The following WAC variants were observed in gnomAD, a reference collection of about 807,000 sequenced individuals.
The protein encoded by WAC is WW domain-containing adapter protein with coiled-coil.
In WAC, 11 loss-of-function variants were observed where a neutral mutation model predicts 79.6. The observed-to-expected ratio is 0.14, with a 90% CI of 0.09 to 0.23. The LOEUF is 0.23. Among genes scored for constraint, WAC ranks in the 10% least tolerant of loss-of-function variants. The pLI, the probability that WAC is intolerant of heterozygous loss-of-function variation, is 1.00. For missense variants in WAC, 728 were observed against 773.5 expected, an observed-to-expected ratio of 0.94 and a Z score of 0.70; for synonymous variants, 304 against 276.9, an observed-to-expected ratio of 1.10 and a Z score of -0.97.
At chr10:28,555,485 C>T (rs1162792072) in intron 3 of WAC, among the ~76,000 whole-genome samples, 1 of 151,798 alleles carries the variant, frequency 6.6e-6, no homozygotes, top group African/African-American at 2.4e-5. Flanking sequence ...CCACTGCAAC[C>T]AGGTCTTGGG....
At chr10:28,566,454 C>T (rs1246990527) in intron 3 of WAC, among the ~76,000 whole-genome samples, 4 of 152,138 alleles carry the variant, frequency 2.6e-5, no homozygotes, top group Non-Finnish European at 5.9e-5. Context: ...AGACAGTAAG[C>T]AGGTGAGTTT....
intron 3 of WAC, among the ~76,000 whole-genome samples, chr10:28,548,749 G>A (rs1589137508): frequency 6.6e-6 from 1 of 152,218 alleles, no homozygotes; most frequent in East Asian, 1.9e-4. Flanking sequence ...TACGAGACTA[G>A]GTCAACTCTA....
intron 3 of WAC, among the ~76,000 whole-genome samples, chr10:28,549,108 AGGCTGGTCTTGAACTCCT>A (rs1837525824): frequency 1.3e-5 from 2 of 152,208 alleles, no homozygotes; most frequent in South Asian, 4.1e-4. Context: ...CATGTTACCC[AGGCTGGTCTTGAACTCCT>A]GGCTTTAAGT....
chr10:28,575,998 G>T (rs990708653), intron 3 of WAC, among the ~76,000 whole-genome samples: 4 of 152,120 alleles, frequency 2.6e-5, no homozygotes, highest in African/African-American at 9.7e-5. Context: ...ACAGTTACAG[G>T]CTGTATAGAT....
intron 7 of WAC, among the ~76,000 whole-genome samples, chr10:28,603,145 G>C (rs1840718428): frequency 6.6e-6 from 1 of 152,206 alleles, no homozygotes; most frequent in Admixed American, 6.5e-5. Flanking sequence ...TAAAGTAGGA[G>C]TATCCAATCT....
chr10:28,554,598 A>G (rs1182668835), intron 3 of WAC, among the ~76,000 whole-genome samples: 2 of 151,988 alleles, frequency 1.3e-5, no homozygotes, highest in Admixed American at 6.6e-5. Flanking sequence ...TTCTTGCTCT[A>G]AGAGTCATAC....
chr10:28,571,553 A>G (rs374824780), intron 3 of WAC, among the ~76,000 whole-genome samples: 30 of 152,308 alleles, frequency 2.0e-4, no homozygotes, highest in African/African-American at 7.0e-4. Flanking sequence ...TGTCTACTGT[A>G]CCAAGTTGAA....
At chr10:28,538,257 C>A in intron 3 of WAC, 1 of 250,888 alleles carries the variant, frequency 4.0e-6, no homozygotes, top group Non-Finnish European at 9.0e-6. Context: ...ATTTTTATTG[C>A]AGGCATTATA....
chr10:28,551,009 A>G (rs983651083), intron 3 of WAC, among the ~76,000 whole-genome samples: 3 of 152,122 alleles, frequency 2.0e-5, no homozygotes, highest in Non-Finnish European at 2.9e-5. Context: ...CCTTTTCCAA[A>G]TCATTGTTTC....
At position 28,608,268 on chromosome 10, in the gene WAC, T is replaced by C; in HGVS notation, c.1002T>C (p.Ser334=). Residue 334 remains serine, a synonymous_variant, in exon 8 of 14, where the codon TCT becomes TCC. Coordinates refer to ENST00000354911, the MANE Select transcript of WAC (RefSeq NM_016628.5). ...TSSASGLNPT[S]APPTSASAVP... ...CTGCCTCTGGACTGAACCCCACATC[T>C]GCACCTCCAACATCTGCTTCAGCGG... 6.2e-7 allele frequency: 1 copy of C among 1,614,212 alleles called. No homozygotes were observed. The highest frequency in any genetic ancestry group is 1.1e-5 in the South Asian group (1 of 91,082).
intron 7 of WAC, among the ~76,000 whole-genome samples, chr10:28,600,318 C>T (rs1241183448): frequency 6.6e-6 from 1 of 152,092 alleles, no homozygotes; most frequent in Non-Finnish European, 1.5e-5. Context: ...AAATTTCCTT[C>T]TGTTTTTATG....
At chr10:28,599,205 G>T (rs1397936414) in intron 7 of WAC, among the ~76,000 whole-genome samples, 4 of 152,050 alleles carry the variant, frequency 2.6e-5, no homozygotes. Flanking sequence ...ACTTGTTTAG[G>T]TTTTTCTTAA....
chr10:28,547,436 G>A lies in WAC; in HGVS notation c.274+11679G>A, dbSNP rs533729632. ...TGTAATCCCAGCTACCTGGGAGGCTGAGGCAGGAGAATCACTTGAGCCCTG... is the reference window on the plus strand; with the variant it reads ...TGTAATCCCAGCTACCTGGGAGGCTAAGGCAGGAGAATCACTTGAGCCCTG... On this transcript the variant is annotated intron_variant, in intron 3 of 13. Transcript: ENST00000354911. Among the ~76,000 whole-genome samples, 4 of 152,176 alleles carry A rather than the reference G, an allele frequency of 2.6e-5. No individual in the cohort carries two copies. In the South Asian group the frequency reaches 6.2e-4, roughly 24 times the overall value.
At chr10:28,539,347 A>G (rs1026826677) in intron 3 of WAC, among the ~76,000 whole-genome samples, 1 of 152,206 alleles carries the variant, frequency 6.6e-6, no homozygotes, top group Non-Finnish European at 1.5e-5. Flanking sequence ...TTGCTGTAAC[A>G]TAGCGTGTAT....
At chr10:28,590,902 C>T in intron 6 of WAC, 70 bp downstream of exon 6, 1 of 1,140,550 alleles carries the variant, frequency 8.8e-7, no homozygotes, top group South Asian at 1.4e-5. Context: ...AATCTGTATC[C>T]ATTGCCATCT....
At chr10:28,535,469 A>C in intron 2 of WAC, 93 bp from the exon 3 acceptor site, 1 of 1,392,406 alleles carries the variant, frequency 7.2e-7, no homozygotes, top group Non-Finnish European at 9.6e-7. Flanking sequence ...AGTTCATAAA[A>C]TTTAATGATA....
chr10:28,559,125 C>T (rs558853955), intron 3 of WAC, among the ~76,000 whole-genome samples: 2 of 92,766 alleles, frequency 2.2e-5, no homozygotes, highest in Non-Finnish European at 4.1e-5. Context: ...TCTCTGCTCT[C>T]GAGAAACCTG....
chr10:28,570,215 T>G (rs1314306061), intron 3 of WAC, among the ~76,000 whole-genome samples: 1 of 152,214 alleles, frequency 6.6e-6, no homozygotes, highest in East Asian at 1.9e-4. Context: ...ATTTATTTTA[T>G]TTTGTACAGA....
intron 11 of WAC, chr10:28,615,428 A>G (rs1277252942): frequency 1.3e-5 from 2 of 152,142 alleles, no homozygotes; most frequent in African/African-American, 4.8e-5. Context: ...TGCTCTGAAC[A>G]TTTTTGGGAA....
Sources: allele counts gnomAD v4.1 joint callset (sites outside exome capture counted in the v4.1 genomes callset), GRCh38; gene constraint gnomAD v4.1.1; transcripts MANE v1.5; gene names NCBI Gene and HGNC (gene_info 2026-07-23, HGNC 2026-07-21).